CC2D2A: variants seen among roughly 807,000 people sequenced by gnomAD.
CC2D2A encodes the protein coiled-coil and C2 domain containing 2A, also known as coiled-coil and C2 domain-containing protein 2A.
A neutral mutation model predicts 212.9 loss-of-function variants in CC2D2A; 155 were observed. The observed-to-expected ratio is 0.73, with a 90% confidence interval of 0.64 to 0.83. The LOEUF is 0.83. Among genes scored for constraint, CC2D2A ranks in the 40% least tolerant of loss-of-function variants. The probability of loss-of-function intolerance (pLI) is 0.00; values close to 1 mark genes in which losing one functional copy is unlikely to be tolerated. For synonymous variants in CC2D2A, 667 were observed against 686.5 expected (o/e 0.97, Z 0.44); for missense variants, 1,856 against 1,956.2 (o/e 0.95, Z 0.97).
intron 8 of CC2D2A, among the ~76,000 whole-genome samples, chr4:15,512,960 A>G (rs1298689009): frequency 1.3e-5 from 2 of 152,244 alleles, no homozygotes; most frequent in East Asian, 1.9e-4. Context: ...TCAAAAAAAA[A>G]AAAAAGGTTA....
intron 4 of CC2D2A, among the ~76,000 whole-genome samples, chr4:15,495,708 C>CT (rs1190857915): frequency 3.3e-5 from 5 of 152,114 alleles, no homozygotes; most frequent in Non-Finnish European, 7.4e-5. Context: ...GTACATGTGT[C>CT]TTTATGGTAG....
rs541135799 is a variant in CC2D2A at position 15,557,317 on chromosome 4, G to A, written c.2639G>A (p.Gly880Asp). The A allele has an allele frequency of 5.6e-6, 9 of 1,611,024 alleles. No individual in the cohort carries two copies. In the East Asian group the frequency reaches 1.8e-4, roughly 32 times the overall value. The change falls in exon 21 of 37, where the codon GGT (glycine) becomes GAT (aspartate). Residue 880 changes from glycine to aspartate, a missense_variant. Gly to Asp is a moderately conservative substitution (Grantham distance 94, BLOSUM62 -1). Around this residue, in one of 5 missense-constraint regions of CC2D2A, gnomAD observed 1,512 missense variants for 1,579.3 expected, o/e 0.96. Coordinates refer to ENST00000424120, the MANE Select transcript of CC2D2A (RefSeq NM_001378615.1). ...CGTTTTTTATAGGTTGCTACCAGTG[G>A]TGAATCCTATGTCCCTGATTTCTTT... Reference protein sequence around the residue: ...LMQLISVATSGESYVPDFFRL... With the variant: ...LMQLISVATSDESYVPDFFRL...
chr4:15,478,194 C>CA (rs891502911), intron 2 of CC2D2A, among the ~76,000 whole-genome samples: 28 of 151,384 alleles, frequency 1.8e-4, no homozygotes, highest in African/African-American at 5.8e-4. Context: ...TTTTCCTTTT[C>CA]AAAAAAAAAT....
chr4:15,519,579 G>T, intron 11 of CC2D2A: 1 of 439,210 alleles, frequency 2.3e-6, no homozygotes. Flanking sequence ...ACCCAAGCCT[G>T]GGCAATTTAC....
In CC2D2A at chr4:15,601,309, G is replaced by A. The variant is rs371196379; in HGVS notation, c.4747G>A (p.Val1583Ile). The change falls in exon 37 of 37, where the codon GTA (valine) becomes ATA (isoleucine). Residue 1583 changes from valine to isoleucine, a missense_variant. Val to Ile is a conservative substitution (Grantham distance 29, BLOSUM62 3). Coordinates refer to ENST00000424120, the MANE Select transcript of CC2D2A (RefSeq NM_001378615.1). ...AATTGACGCTGTGTATAGTACTGGA[G>A]TACATAATATTGATGTTCCTAATGT... is the stretch of plus-strand genomic sequence containing the variant. ...PLIDAVYSTGVHNIDVPNVEF... is the reference protein window; with the variant it reads ...PLIDAVYSTGIHNIDVPNVEF... The A allele has an allele frequency of 5.0e-5, 80 of 1,611,970 alleles. 1 individual carries two copies. The South Asian group carries it at 6.6e-4, about 13-fold the overall frequency.
At chr4:15,540,803 AC>A (rs780275317) in intron 16 of CC2D2A, 33 bp from the exon 17 acceptor site, 1 of 1,564,780 alleles carries the variant, frequency 6.4e-7, no homozygotes, top group South Asian at 1.2e-5. Flanking sequence ...GTAAATTATT[AC>A]TAACTCCACC....
In CC2D2A at chr4:15,567,454, C is replaced by T. The variant is rs1577382579; in HGVS notation, c.3260C>T (p.Thr1087Ile). 7.4e-6 allele frequency: 12 copies of T among 1,613,566 alleles called. No homozygotes were observed. Among genetic ancestry groups the T allele is most frequent in the Non-Finnish European group, 1.0e-5 (12 of 1,179,702 alleles). The change falls in exon 25 of 37, where the codon ACC becomes ATC. Residue 1087 changes from threonine to isoleucine, a missense_variant. Coordinates refer to ENST00000424120, the MANE Select transcript of CC2D2A (RefSeq NM_001378615.1). ...GCTTCCCCAAGCACGTACAGCCCAA[C>T]CCACAATGCTGACTACCCCCTCGGC... The part of the protein sequence containing the change: ...HAASPSTYSP[T>I]HNADYPLGQV...
intron 33 of CC2D2A, among the ~76,000 whole-genome samples, chr4:15,591,392 T>C (rs2148490259): frequency 6.6e-6 from 1 of 152,230 alleles, no homozygotes; most frequent in African/African-American, 2.4e-5. Context: ...GCTAATTTTG[T>C]ATTTTTAGTA....
At chr4:15,560,081 CT>C (rs1340050418) in intron 22 of CC2D2A, among the ~76,000 whole-genome samples, 1 of 139,462 alleles carries the variant, frequency 7.2e-6, no homozygotes, top group African/African-American at 2.6e-5. Flanking sequence ...ATCCACCCAC[CT>C]TGGCCTCTCA....
At chr4:15,513,308 G>T (rs1368847683) in intron 8 of CC2D2A, among the ~76,000 whole-genome samples, 1 of 152,208 alleles carries the variant, frequency 6.6e-6, no homozygotes, top group Non-Finnish European at 1.5e-5. Context: ...CTAGTCTCAG[G>T]AGCCACATAC....
chr4:15,574,334 C>T lies in CC2D2A; in HGVS notation c.3771+8C>T, dbSNP rs1439534382. 2.0e-6 allele frequency: 3 copies of T among 1,537,998 alleles called. No homozygotes were observed. The highest frequency in any genetic ancestry group is 2.8e-5 in the African/African-American group (2 of 72,652). On this transcript the variant is annotated splice_region_variant and intron_variant, in intron 29 of 36. Transcript: ENST00000424120. Reference sequence around the variant, plus strand: ...GAGTCCATTCGAGAAAAGGTAACTACTTATAGTTTGGAAACCCATGTCTAT... The same window carrying T: ...GAGTCCATTCGAGAAAAGGTAACTATTTATAGTTTGGAAACCCATGTCTAT...
At chr4:15,535,785 T>A (rs1021267145) in intron 14 of CC2D2A, among the ~76,000 whole-genome samples, 2 of 152,182 alleles carry the variant, frequency 1.3e-5, no homozygotes, top group Non-Finnish European at 2.9e-5. Context: ...TTTGTCAGCT[T>A]TATGCACTTG....
At chr4:15,501,660 A>T (rs1325634500) in intron 4 of CC2D2A, among the ~76,000 whole-genome samples, 1 of 152,096 alleles carries the variant, frequency 6.6e-6, no homozygotes, top group Non-Finnish European at 1.5e-5. Flanking sequence ...GAATTGGGGA[A>T]TGTGGGGCTG....
intron 4 of CC2D2A, among the ~76,000 whole-genome samples, chr4:15,486,111 C>A (rs1204418968): frequency 6.6e-6 from 1 of 152,030 alleles, no homozygotes; most frequent in African/African-American, 2.4e-5. Context: ...GAGATACTGG[C>A]TTGTAAAGTT....
intron 29 of CC2D2A, among the ~76,000 whole-genome samples, chr4:15,579,009 G>C (rs759360769): frequency 3.0e-5 from 3 of 99,018 alleles, no homozygotes; most frequent in Non-Finnish European, 6.1e-5. Context: ...AACCAACTAT[G>C]AAAATATTTT....
At chr4:15,501,357 G>T (rs1715939889) in intron 4 of CC2D2A, among the ~76,000 whole-genome samples, 1 of 152,046 alleles carries the variant, frequency 6.6e-6, no homozygotes, top group East Asian at 1.9e-4. Flanking sequence ...TCCTGACTGG[G>T]GTCCCTGGCA....
At chr4:15,502,403 G>GTTTTTT in intron 4 of CC2D2A, 26 bp from the exon 5 acceptor site, 1 of 1,481,726 alleles carries the variant, frequency 6.7e-7, no homozygotes, top group Non-Finnish European at 9.1e-7. Context: ...TTTTTATTTT[G>GTTTTTT]TTTTGTTTTT....
chr4:15,497,199 A>G (rs1715669167), intron 4 of CC2D2A, among the ~76,000 whole-genome samples: 1 of 152,222 alleles, frequency 6.6e-6, no homozygotes, highest in East Asian at 1.9e-4. Context: ...AGCATGGTAC[A>G]GGTACAAAAA....
At position 15,601,229 on chromosome 4, in the gene CC2D2A, C is replaced by T; in HGVS notation, c.4675-8C>T. The T allele has an allele frequency of 6.2e-7, 1 of 1,607,526 alleles. No homozygotes were observed. Among genetic ancestry groups the T allele is most frequent in the Non-Finnish European group, 8.5e-7 (1 of 1,176,130 alleles). On this transcript the variant is annotated splice_polypyrimidine_tract_variant and splice_region_variant and intron_variant, in intron 36 of 36. Coordinates refer to ENST00000424120, the MANE Select transcript of CC2D2A (RefSeq NM_001378615.1). ...TCACTAATGACTACAAATGTTTTTTCCCTTCAGTTCTCTGGATTTCCTCTT... is the reference window on the plus strand; with the variant it reads ...TCACTAATGACTACAAATGTTTTTTTCCTTCAGTTCTCTGGATTTCCTCTT...
Sources: allele counts gnomAD v4.1 joint callset (sites outside exome capture counted in the v4.1 genomes callset), GRCh38; gene constraint gnomAD v4.1.1; regional missense constraint gnomAD v4.1.1; transcripts MANE v1.5; gene names NCBI Gene and HGNC (gene_info 2026-07-23, HGNC 2026-07-21).